Variants in OR3A2 observed in about 807,000 individuals in gnomAD.
The protein encoded by OR3A2 is olfactory receptor family 3 subfamily A member 2.
For synonymous variants in OR3A2, 126 were observed against 159.3 expected (o/e 0.79, Z 1.57); for missense variants, 318 against 392.8 (o/e 0.81, Z 1.61).
chr17:3,362,102 T>C (rs1344109866), intron 2 of OR3A2, among the ~76,000 whole-genome samples: 1 of 151,740 alleles, frequency 6.6e-6, no homozygotes, highest in Non-Finnish European at 1.5e-5. Context: ...GAGCCTGTTA[T>C]TGGTCTATTC....
At chr17:3,365,456 T>G (rs1264532516) in intron 2 of OR3A2, among the ~76,000 whole-genome samples, 1 of 152,202 alleles carries the variant, frequency 6.6e-6, no homozygotes, top group Non-Finnish European at 1.5e-5. Context: ...TTTTGCCCCT[T>G]ACAATCAGTG....
intron 2 of OR3A2, among the ~76,000 whole-genome samples, chr17:3,360,614 C>G (rs1474135027): frequency 6.6e-6 from 1 of 151,690 alleles, no homozygotes; most frequent in Non-Finnish European, 1.5e-5. Flanking sequence ...AAGAAGGGAT[C>G]CAGTTTCAGC....
intron 2 of OR3A2, among the ~76,000 whole-genome samples, chr17:3,369,805 C>CTT (rs35233474): frequency 0.52 from 69,824 of 134,486 alleles, 18,592 homozygotes; most frequent in Admixed American, 0.65. Context: ...TAGATTGGTA[C>CTT]TTTTTTTTTT....
chr17:3,342,751 C>T (rs921842714), intron 2 of OR3A2, among the ~76,000 whole-genome samples: 8 of 152,170 alleles, frequency 5.3e-5, no homozygotes, highest in Non-Finnish European at 1.2e-4. Flanking sequence ...ACCCACTTGA[C>T]GAGGCAGTCT....
rs761329981 is a variant in OR3A2, at chr17:3,292,186, G to A, written c.-84-13033C>T. 1.1e-5 allele frequency: 18 copies of A among 1,614,190 alleles called. No individual in the cohort carries two copies. In the Admixed American group the frequency reaches 2.0e-4, roughly 18 times the overall value. On this transcript the variant is annotated intron_variant, in intron 3 of 4. Coordinates refer to the OR3A2 transcript ENST00000573491. ...TGACTCATGCGGGTGCTGTAGGTGAGGGGCCGGCAGATGGCCAGGAATCGG... is the reference window on the plus strand; with the variant it reads ...TGACTCATGCGGGTGCTGTAGGTGAAGGGCCGGCAGATGGCCAGGAATCGG...
chr17:3,288,881 T>C (rs1381156571), upstream of OR3A2, among the ~76,000 whole-genome samples: 3 of 152,228 alleles, frequency 2.0e-5, no homozygotes, highest in Non-Finnish European at 4.4e-5. Context: ...TATATATAAA[T>C]ACTAATCTCA....
intron 2 of OR3A2, among the ~76,000 whole-genome samples, chr17:3,381,543 C>T (rs940303992): frequency 6.6e-6 from 1 of 152,056 alleles, no homozygotes; most frequent in Non-Finnish European, 1.5e-5. Flanking sequence ...CTCCCCATCG[C>T]CTGAAGTCGT....
chr17:3,375,175 T>TTTTTTTTTTTTTA (rs2049670690), intron 2 of OR3A2, among the ~76,000 whole-genome samples: 1 of 116,388 alleles, frequency 8.6e-6, no homozygotes, highest in South Asian at 3.0e-4. Context: ...TTTTTCTTTT[T>TTTTTTTTTTTTTA]GAGACAGTCT....
chr17:3,381,835 G>T (rs1296659561), intron 2 of OR3A2, among the ~76,000 whole-genome samples: 1 of 152,148 alleles, frequency 6.6e-6, no homozygotes, highest in African/African-American at 2.4e-5. Flanking sequence ...CCCTGACTTT[G>T]CCAGGAAAGT....
At chr17:3,383,961 GTATA>G (rs2049758803) in intron 1 of OR3A2, 3 of 77,532 alleles carry the variant, frequency 3.9e-5, no homozygotes, top group East Asian at 1.0e-3. Context: ...AATAAATATT[GTATA>G]CAAATATTTA....
upstream of OR3A2, among the ~76,000 whole-genome samples, chr17:3,289,109 GTGTGTGTT>G (rs2048841268): frequency 6.8e-6 from 1 of 146,526 alleles, no homozygotes; most frequent in Non-Finnish European, 1.5e-5. Flanking sequence ...GTGTGTGTGA[GTGTGTGTT>G]TGTGTGTGTT....
chr17:3,380,691 G>A (rs2049727238), intron 2 of OR3A2, among the ~76,000 whole-genome samples: 1 of 152,202 alleles, frequency 6.6e-6, no homozygotes, highest in Non-Finnish European at 1.5e-5. Flanking sequence ...GACTAAGACT[G>A]TGGTTAAAGA....
chr17:3,365,468 T>G (rs2049554682), intron 2 of OR3A2, among the ~76,000 whole-genome samples: 1 of 152,196 alleles, frequency 6.6e-6, no homozygotes, highest in South Asian at 2.1e-4. Context: ...CAATCAGTGC[T>G]CTGTTTCAGC....
intron 2 of OR3A2, among the ~76,000 whole-genome samples, chr17:3,358,430 T>G (rs1329107603): frequency 6.6e-6 from 1 of 151,782 alleles, no homozygotes; most frequent in Non-Finnish European, 1.5e-5. Flanking sequence ...TGAATTTCCC[T>G]CTTAACATTG....
intron 2 of OR3A2, among the ~76,000 whole-genome samples, chr17:3,371,283 C>T (rs2049615636): frequency 6.6e-6 from 1 of 151,618 alleles, no homozygotes; most frequent in African/African-American, 2.4e-5. Context: ...GGGCGGCTGG[C>T]CGGGCAGAGG....
At chr17:3,289,039 C>T (rs1199561295), upstream of OR3A2, among the ~76,000 whole-genome samples, 1 of 152,028 alleles carries the variant, frequency 6.6e-6, no homozygotes, top group Non-Finnish European at 1.5e-5. Flanking sequence ...TTATACTATG[C>T]AATATAGACA....
intron 3 of OR3A2, among the ~76,000 whole-genome samples, chr17:3,322,111 G>C (rs1232555469): frequency 6.6e-6 from 1 of 152,168 alleles, no homozygotes; most frequent in African/African-American, 2.4e-5. Context: ...GAGGATGTAC[G>C]TGTCGAGAAA....
At chr17:3,350,364 C>T (rs1012133763) in intron 2 of OR3A2, among the ~76,000 whole-genome samples, 2 of 149,088 alleles carry the variant, frequency 1.3e-5, no homozygotes, top group African/African-American at 4.9e-5. Flanking sequence ...ACCACCAATC[C>T]CACAGAAATA....
intron 2 of OR3A2, among the ~76,000 whole-genome samples, chr17:3,350,145 T>A (rs1343430311): frequency 1.1e-4 from 16 of 149,982 alleles, no homozygotes; most frequent in African/African-American, 2.7e-4. Flanking sequence ...GAGCAAACAC[T>A]TTCAAAAGCT....
Sources: gnomAD v4.1 joint callset for allele counts (sites outside exome capture counted in the v4.1 genomes callset) on GRCh38, gnomAD v4.1.1 for gene constraint, MANE v1.5 for transcripts, NCBI Gene and HGNC (gene_info 2026-07-23, HGNC 2026-07-21) for gene names.